The following ARHGAP27 variants were observed in gnomAD, a reference collection of about 807,000 sequenced individuals.
ARHGAP27 encodes the protein rho GTPase-activating protein 27.
Under a neutral mutation model 102.0 loss-of-function variants are expected in ARHGAP27, and 53 were observed. That is an observed-to-expected ratio of 0.52 (90% CI 0.42 to 0.65). ARHGAP27 has a LOEUF of 0.65. Among genes scored for constraint, ARHGAP27 ranks in the 30% least tolerant of loss-of-function variants. ARHGAP27 has a pLI of 0.00. For missense variants in ARHGAP27, 1,117 were observed against 1,256.2 expected, an observed-to-expected ratio of 0.89 and a Z score of 1.68; for synonymous variants, 525 against 542.8, an observed-to-expected ratio of 0.97 and a Z score of 0.46.
chr17:45,421,200 C>T (rs1336553455), intron 4 of ARHGAP27, among the ~76,000 whole-genome samples: 4 of 146,756 alleles, frequency 2.7e-5, no homozygotes, highest in South Asian at 2.6e-4. Context: ...AGCAACAGTC[C>T]GGGCGCAGTG....
chr17:45,396,463 C>T, intron 16 of ARHGAP27, 24 bp downstream of exon 16: 1 of 1,509,856 alleles, frequency 6.6e-7, no homozygotes, highest in Non-Finnish European at 8.8e-7. Flanking sequence ...ATGCCTGCCG[C>T]CCTCACCCCC....
At chr17:45,431,030 GC>G (rs1325306431) in intron 3 of ARHGAP27, among the ~76,000 whole-genome samples, 1 of 109,782 alleles carries the variant, frequency 9.1e-6, no homozygotes, top group East Asian at 2.9e-4. Flanking sequence ...GGCCCGCACC[GC>G]CCCCTGCTCT....
chr17:45,407,510 C>CTT (rs5820579), intron 4 of ARHGAP27: 1 of 148,430 alleles, frequency 6.7e-6, no homozygotes, highest in Non-Finnish European at 1.5e-5. Context: ...TTTTCTTTTT[C>CTT]TTTTTTTTCT....
At chr17:45,421,189 G>A (rs1291022351) in intron 4 of ARHGAP27, among the ~76,000 whole-genome samples, 1 of 138,668 alleles carries the variant, frequency 7.2e-6, no homozygotes, top group Non-Finnish European at 1.6e-5. Context: ...AACAATAATC[G>A]AGCAACAGTC....
chr17:45,396,059 G>A lies in ARHGAP27; in HGVS notation c.2310C>T (p.Ala770=), dbSNP rs750530479. ...GCAGCTCCCGAAAGAAGAGCTTCAG[G>A]GCTCCGGTGATAACGTGGACGTCCT... is the stretch of plus-strand genomic sequence containing the variant. ...RWEDVHVITG[A]LKLFFRELPE... is the part of the protein sequence containing the mutation. The change falls in exon 18 of 20, where the codon GCC becomes GCT. Residue 770 remains alanine, a synonymous_variant. Transcript: ENST00000685559. The A allele has an allele frequency of 6.2e-7, 1 of 1,614,038 alleles. No homozygotes were observed. The highest frequency in any genetic ancestry group is 8.5e-7 in the Non-Finnish European group (1 of 1,179,946).
At position 45,394,521 on chromosome 17, in the gene ARHGAP27, GGCC is replaced by G. The variant is rs1166994791; in HGVS notation, c.*932_*934del. ...GACAGTTTCCCTCTTTGCCTTCAGG[GGCC>G]TCCCCAGGTCCAGACAGAACACACC... On this transcript the variant is annotated 3_prime_UTR_variant, in exon 20 of 20. Transcript: ENST00000685559. The G allele has an allele frequency of 6.6e-6, 1 of 152,298 alleles. No homozygotes were observed. The highest frequency in any genetic ancestry group is 1.5e-5 in the Non-Finnish European group (1 of 68,098). 9.4% of individuals were successfully genotyped at this position (152,298 alleles called of 1,614,324 possible).
Position 45,429,916 on chromosome 17 carries a change from C to T in ARHGAP27, c.364G>A (p.Gly122Ser), listed in dbSNP as rs1051728535. 1.1e-4 allele frequency: 128 copies of T among 1,143,218 alleles called. No homozygotes were observed. The highest frequency in any genetic ancestry group is 1.2e-4 in the Non-Finnish European group (114 of 933,566). The allele number at this position is 1,143,218 out of a possible 1,614,324, so 70.8% of individuals were successfully genotyped here. A position where few individuals can be genotyped will look rare whatever the true frequency, so the allele number is the denominator to read the frequency against. ...ESGGRASSLC[G>S]PAQRGAATQR... ...GTCGCGGCGCCGCGTTGCGCAGGGC[C>T]GCACAGGGAGCTGGCTCGGCCTCCG... The change falls in exon 4 of 20, where the codon GGC (glycine) becomes AGC (serine). Residue 122 changes from glycine to serine, a missense_variant. Physicochemically the swap from Gly to Ser is moderately conservative, Grantham distance 56 (BLOSUM62 0). Transcript: ENST00000685559.
Position 45,432,230 on chromosome 17 carries a change from G to A in ARHGAP27, c.-165C>T, listed in dbSNP as rs1412159328. 1 of 157,590 alleles carries A rather than the reference G, an allele frequency of 6.3e-6. No homozygotes were observed. The highest frequency in any genetic ancestry group is 1.4e-5 in the Non-Finnish European group (1 of 69,690). 9.8% of individuals were successfully genotyped at this position (157,590 alleles called of 1,614,324 possible). A position where few individuals can be genotyped will look rare whatever the true frequency, so the allele number is the denominator to read the frequency against. On this transcript the variant is annotated 5_prime_UTR_variant, in exon 2 of 20. Coordinates refer to ENST00000685559, the MANE Select transcript of ARHGAP27 (RefSeq NM_001282290.2). ...TCTTCCCTCACCAGGGCCTTTCCCG[G>A]AGCAGCCCGGCCGGGCCTGGAAAAA...
intron 10 of ARHGAP27, 105 bp from the exon 11 acceptor site, chr17:45,403,814 G>A (rs2046773085): frequency 9.1e-7 from 1 of 1,093,944 alleles, no homozygotes; most frequent in Non-Finnish European, 1.3e-6. Context: ...CACAGGCTAG[G>A]GCACCCCATT....
intron 13 of ARHGAP27, chr17:45,397,593 A>T (rs908778734): frequency 1.5e-5 from 4 of 260,432 alleles, no homozygotes; most frequent in Non-Finnish European, 2.9e-5. Flanking sequence ...AGCCTTAAAA[A>T]AATGGTCGAC....
Position 45,405,095 on chromosome 17 carries a change from G to T in ARHGAP27, c.1077C>A (p.Pro359=). ...TCAGCGACTCGGGGTAGTCCGTCTC[G>T]GGAGTGGGGGGCTGCGGGGAACAGA... ...GSPGDPRPPT[P]ETDYPESLTS... Residue 359 remains proline, a synonymous_variant, in exon 6 of 20, where the codon CCC becomes CCA. Transcript: ENST00000685559. 6.3e-7 allele frequency: 1 copy of T among 1,582,108 alleles called. No individual in the cohort carries two copies. The highest frequency in any genetic ancestry group is 1.3e-5 in the African/African-American group (1 of 74,612).
At chr17:45,399,860 T>C (rs2046239696) in intron 12 of ARHGAP27, among the ~76,000 whole-genome samples, 3 of 152,346 alleles carry the variant, frequency 2.0e-5, no homozygotes, top group South Asian at 4.1e-4. Flanking sequence ...TACATAGCAA[T>C]GTATTTCACA....
Position 45,396,765 on chromosome 17 carries a change from G to A in ARHGAP27, c.1977C>T (p.Gly659=), listed in dbSNP as rs1219671683. The part of the protein sequence containing the change: ...NAAAPALGPV[G]LESDLSKVRH... Reference sequence around the variant, plus strand: ...GGACCTTGCTCAAGTCGCTCTCCAGGCCCACGGGGCCCAGGGCGGGCGCGG... The same window carrying A: ...GGACCTTGCTCAAGTCGCTCTCCAGACCCACGGGGCCCAGGGCGGGCGCGG... The change falls in exon 15 of 20, where the codon GGC becomes GGT. Residue 659 remains glycine (G), a synonymous_variant. Coordinates refer to ENST00000685559, the MANE Select transcript of ARHGAP27 (RefSeq NM_001282290.2). The A allele has an allele frequency of 6.8e-6, 11 of 1,612,894 alleles. No homozygotes were observed. The highest frequency in any genetic ancestry group is 1.1e-5 in the South Asian group (1 of 90,952).
intron 16 of ARHGAP27, 89 bp downstream of exon 16, chr17:45,396,398 G>A: frequency 1.4e-6 from 2 of 1,462,280 alleles, no homozygotes; most frequent in East Asian, 2.5e-5. Context: ...TGGACCCTGC[G>A]TCCATCCAGG....
At chr17:45,421,251 G>C (rs2049008849) in intron 4 of ARHGAP27, among the ~76,000 whole-genome samples, 1 of 149,302 alleles carries the variant, frequency 6.7e-6, no homozygotes, top group Non-Finnish European at 1.5e-5. Context: ...GGCCAAGGCA[G>C]GCAGATTGCT....
At chr17:45,397,805 C>T in intron 13 of ARHGAP27, 144 bp downstream of exon 13, 1 of 643,582 alleles carries the variant, frequency 1.6e-6, no homozygotes, top group Non-Finnish European at 2.4e-6. Context: ...TCTTCAGCCG[C>T]CTACCCTGCC....
At chr17:45,408,807 TG>T (rs374022352) in intron 4 of ARHGAP27, 3 of 152,414 alleles carry the variant, frequency 2.0e-5, no homozygotes, top group African/African-American at 7.2e-5. Flanking sequence ...CTCACTGCTC[TG>T]TTGAGGCCCA....
intron 4 of ARHGAP27, among the ~76,000 whole-genome samples, chr17:45,426,016 C>G (rs2049561541): frequency 1.3e-5 from 2 of 152,182 alleles, no homozygotes; most frequent in Non-Finnish European, 2.9e-5. Context: ...TCTTCCACAA[C>G]AGGGCTGGGC....
At position 45,404,429 on chromosome 17, in the gene ARHGAP27, A is replaced by G. The variant is rs977994043; in HGVS notation, c.1413+16T>C. The G allele has an allele frequency of 8.1e-6, 13 of 1,613,876 alleles. No homozygotes were observed. The highest frequency in any genetic ancestry group is 3.3e-4 in the Middle Eastern group (2 of 6,082). On this transcript the variant is annotated intron_variant, in intron 8 of 19. Coordinates refer to ENST00000685559, the MANE Select transcript of ARHGAP27 (RefSeq NM_001282290.2). Reference sequence around the variant, plus strand: ...CTGTGGTGGTCCTGCCAGGACCTCAATGGCTCCTCCCCTACCTTCTCCTCT... The same window carrying G: ...CTGTGGTGGTCCTGCCAGGACCTCAGTGGCTCCTCCCCTACCTTCTCCTCT...
Sources: allele counts gnomAD v4.1 joint callset (sites outside exome capture counted in the v4.1 genomes callset), GRCh38; gene constraint gnomAD v4.1.1; transcripts MANE v1.5; gene names NCBI Gene and HGNC (gene_info 2026-07-23, HGNC 2026-07-21).